CAMSAP2: variants seen among roughly 807,000 people sequenced by gnomAD.
The protein encoded by CAMSAP2 is calmodulin regulated spectrin associated protein family member 2, also known as calmodulin-regulated spectrin-associated protein 2.
In CAMSAP2, 26 loss-of-function variants were observed where a neutral mutation model predicts 146.1. The observed-to-expected ratio is 0.18, with a 90% CI of 0.13 to 0.25. CAMSAP2 has a LOEUF of 0.25. Ranked by LOEUF, CAMSAP2 falls within the 10% of genes least tolerant of loss-of-function variation. The pLI, the probability that CAMSAP2 is intolerant of heterozygous loss-of-function variation, is 1.00. For synonymous variants in CAMSAP2, 499 were observed against 596.6 expected, an observed-to-expected ratio of 0.84 and a Z score of 2.38; for missense variants, 1,381 against 1,759.3, an observed-to-expected ratio of 0.78 and a Z score of 3.85.
At chr1:200,764,110 TAAGAG>T (rs993946255) in intron 2 of CAMSAP2, among the ~76,000 whole-genome samples, 6 of 152,094 alleles carry the variant, frequency 3.9e-5, no homozygotes, top group Non-Finnish European at 5.9e-5. Flanking sequence ...AAGAGTAAAG[TAAGAG>T]TTAATGTAAA....
At chr1:200,745,723 C>T (rs553459824) in intron 1 of CAMSAP2, among the ~76,000 whole-genome samples, 7 of 152,320 alleles carry the variant, frequency 4.6e-5, no homozygotes, top group South Asian at 2.1e-4. Context: ...CCGCCTGCCT[C>T]GGCCTCCCAA....
intron 4 of CAMSAP2, among the ~76,000 whole-genome samples, chr1:200,822,132 C>G (rs980481523): frequency 1.5e-5 from 2 of 131,092 alleles, no homozygotes; most frequent in African/African-American, 5.9e-5. Context: ...CTCTCTCTCT[C>G]TCGCTCTACA....
At chr1:200,850,579 C>A (rs1165325628) in intron 11 of CAMSAP2, among the ~76,000 whole-genome samples, 1 of 151,980 alleles carries the variant, frequency 6.6e-6, no homozygotes, top group Non-Finnish European at 1.5e-5. Flanking sequence ...TTTTTTTTAA[C>A]AGAATGCTAC....
At chr1:200,841,083 A>T (rs1413573391) in intron 6 of CAMSAP2, among the ~76,000 whole-genome samples, 1 of 152,206 alleles carries the variant, frequency 6.6e-6, no homozygotes, top group Admixed American at 6.5e-5. Context: ...ATAAAAGGTA[A>T]CATTGTTGAC....
chr1:200,811,817 C>G (rs1666339408), intron 3 of CAMSAP2, among the ~76,000 whole-genome samples: 1 of 152,166 alleles, frequency 6.6e-6, no homozygotes, highest in Non-Finnish European at 1.5e-5. Context: ...AAGGTACCAC[C>G]TAACCTGACC....
chr1:200,784,889 T>A (rs1665541537), intron 2 of CAMSAP2, among the ~76,000 whole-genome samples: 1 of 152,214 alleles, frequency 6.6e-6, no homozygotes, highest in Non-Finnish European at 1.5e-5. Context: ...TTTGAAGATG[T>A]TCTTTTTCGG....
At chr1:200,842,111 A>G (rs1310362704) in intron 7 of CAMSAP2, 24 bp downstream of exon 7, 8 of 1,548,384 alleles carry the variant, frequency 5.2e-6, no homozygotes, top group Middle Eastern at 1.7e-4. Context: ...TTAATTTTAA[A>G]TGTTCCTATG....
intron 2 of CAMSAP2, among the ~76,000 whole-genome samples, chr1:200,776,395 G>A (rs575258853): frequency 7.8e-4 from 119 of 152,326 alleles, no homozygotes; most frequent in Non-Finnish European, 1.1e-3. Flanking sequence ...AGCCAGATTG[G>A]CCTAGAACCA....
At chr1:200,781,480 A>G (rs1434258322) in intron 2 of CAMSAP2, among the ~76,000 whole-genome samples, 1 of 152,134 alleles carries the variant, frequency 6.6e-6, no homozygotes, top group Non-Finnish European at 1.5e-5. Flanking sequence ...GATTTATTGA[A>G]TATAATCGTC....
At chr1:200,847,984 A>C in intron 10 of CAMSAP2, 48 bp from the exon 11 acceptor site, 2 of 1,263,096 alleles carry the variant, frequency 1.6e-6, no homozygotes, top group Non-Finnish European at 2.2e-6. Context: ...GATACTAAAA[A>C]TCATTTCTAG....
intron 8 of CAMSAP2, among the ~76,000 whole-genome samples, chr1:200,845,707 C>A (rs75613106): frequency 6.6e-6 from 1 of 152,072 alleles, no homozygotes; most frequent in Admixed American, 6.6e-5. Context: ...GGAAATTTCT[C>A]AAACAATAAA....
rs1288286092 is a variant in CAMSAP2, at chr1:200,854,829, C to G, written c.3836C>G (p.Ser1279Cys). The part of the protein sequence containing the change: ...PIKGPPVSSL[S>C]LASLNTGDNE... Reference sequence around the variant, plus strand: ...CGTGTTTTTTCAGTCTCTAGCCTTTCTTTGGCATCGCTGAACACGGGTGAT... The same window carrying G: ...CGTGTTTTTTCAGTCTCTAGCCTTTGTTTGGCATCGCTGAACACGGGTGAT... Residue 1279 changes from serine (S) to cysteine (C), a missense_variant, in exon 14 of 17, where the codon TCT becomes TGT. Physicochemically the swap from Ser to Cys is moderately radical, Grantham distance 112. Transcript: ENST00000358823. 16 of 1,610,704 alleles carry G rather than the reference C, an allele frequency of 9.9e-6. No homozygotes were observed. Among genetic ancestry groups the G allele is most frequent in the East Asian group, 2.2e-5 (1 of 44,742 alleles).
chr1:200,815,580 A>G lies in CAMSAP2; in HGVS notation c.581A>G (p.Asp194Gly). ...WINKVNEHLK[D>G]IMEQEQKLKE... is the part of the protein sequence containing the mutation. ...TTTAAGGTAAATGAACATTTGAAAG[A>G]CATAATGGAACAAGAACAAAAACTG... The change falls in exon 4 of 17, where the codon GAC becomes GGC. Residue 194 changes from aspartate (D) to glycine (G), a missense_variant. Physicochemically the swap from Asp to Gly is moderately conservative, Grantham distance 94 (BLOSUM62 -1). Around this residue, in one of 4 missense-constraint regions of CAMSAP2, gnomAD observed 284 missense variants for 406.9 expected, o/e 0.70. Transcript: ENST00000358823. The G allele has an allele frequency of 6.4e-7, 1 of 1,560,146 alleles. No individual in the cohort carries two copies. The highest frequency in any genetic ancestry group is 8.7e-7 in the Non-Finnish European group (1 of 1,150,562).
chr1:200,816,840 G>A (rs1432568190), intron 4 of CAMSAP2, among the ~76,000 whole-genome samples: 6 of 70,152 alleles, frequency 8.6e-5, no homozygotes, highest in South Asian at 1.1e-3. Context: ...GCGTGTGTAT[G>A]TGTGTACACA....
At chr1:200,755,669 A>G (rs529493563) in intron 1 of CAMSAP2, among the ~76,000 whole-genome samples, 4 of 152,090 alleles carry the variant, frequency 2.6e-5, no homozygotes, top group African/African-American at 7.3e-5. Context: ...GCAAGGCTCT[A>G]TGTGTAGGTA....
intron 7 of CAMSAP2, 57 bp downstream of exon 7, chr1:200,842,144 A>G (rs1416393841): frequency 7.9e-7 from 1 of 1,267,360 alleles, no homozygotes; most frequent in Non-Finnish European, 1.2e-6. Context: ...TGGAATGTTG[A>G]TATAACCTTA....
chr1:200,783,271 C>T (rs1479620318), intron 2 of CAMSAP2, among the ~76,000 whole-genome samples: 1 of 152,106 alleles, frequency 6.6e-6, no homozygotes, highest in Non-Finnish European at 1.5e-5. Context: ...TTTTATTTTG[C>T]ATTTCCCTGA....
At chr1:200,800,769 T>G (rs1666012934) in intron 2 of CAMSAP2, among the ~76,000 whole-genome samples, 1 of 152,228 alleles carries the variant, frequency 6.6e-6, no homozygotes, top group South Asian at 2.1e-4. Flanking sequence ...CGATGGTCTT[T>G]ACAATTTGGT....
chr1:200,780,165 GTTTAGAA>G (rs1172159844), intron 2 of CAMSAP2, among the ~76,000 whole-genome samples: 1 of 152,152 alleles, frequency 6.6e-6, no homozygotes, highest in Non-Finnish European at 1.5e-5. Flanking sequence ...AATTGTTAAT[GTTTAGAA>G]TTTAGATTTA....
Sources: allele counts gnomAD v4.1 joint callset (sites outside exome capture counted in the v4.1 genomes callset), GRCh38; gene constraint gnomAD v4.1.1; regional missense constraint gnomAD v4.1.1; transcripts MANE v1.5; gene names NCBI Gene and HGNC (gene_info 2026-07-23, HGNC 2026-07-21).